Variants in CDS1 observed in about 807,000 individuals in gnomAD.
CDS1 encodes the protein CDP-diacylglycerol synthase 1.
CDS1 carries 41 observed loss-of-function variants against 62.1 expected under a neutral mutation model. The observed-to-expected ratio is 0.66, with a 90% CI of 0.51 to 0.86. CDS1 has a LOEUF of 0.86. CDS1 is among the 40% of genes least tolerant of loss of function. The probability of loss-of-function intolerance (pLI) is 0.00; values close to 1 mark genes in which losing one functional copy is unlikely to be tolerated. For missense variants in CDS1, 470 were observed against 550.1 expected (o/e 0.85, Z 1.46); for synonymous variants, 185 against 192.6 (o/e 0.96, Z 0.32).
chr4:84,635,324 T>C lies in CDS1; in HGVS notation c.783T>C (p.Phe261=), dbSNP rs935808202. Reference sequence around the variant, plus strand: ...ACATAACTGCTTACCTTTTTGGATTTTTTTTTGGGAGAACTCCATTAATTA... The same window carrying C: ...ACATAACTGCTTACCTTTTTGGATTCTTTTTTGGGAGAACTCCATTAATTA... ...CNDITAYLFG[F]FFGRTPLIKL... The change falls in exon 8 of 13, where the codon TTT becomes TTC. Residue 261 remains phenylalanine, a synonymous_variant. Coordinates refer to ENST00000295887, the MANE Select transcript of CDS1 (RefSeq NM_001263.4). The C allele has an allele frequency of 6.3e-6, 10 of 1,574,940 alleles. No homozygotes were observed. Among genetic ancestry groups the C allele is most frequent in the African/African-American group, 1.4e-5 (1 of 73,760 alleles).
chr4:84,596,207 G>A (rs537025879), intron 1 of CDS1, among the ~76,000 whole-genome samples: 6 of 152,306 alleles, frequency 3.9e-5, no homozygotes, highest in Non-Finnish European at 7.3e-5. Flanking sequence ...GGCATGCGAA[G>A]AGTTGCACAA....
intron 11 of CDS1, among the ~76,000 whole-genome samples, 158 bp from the exon 12 acceptor site, chr4:84,645,064 C>T (rs1693352642): frequency 6.6e-6 from 1 of 152,130 alleles, no homozygotes; most frequent in Admixed American, 6.6e-5. Flanking sequence ...TGGTTTTAAT[C>T]TGCTGGATGT....
chr4:84,648,542 G>A lies in CDS1; in HGVS notation c.1257-15G>A. The A allele has an allele frequency of 1.2e-6, 2 of 1,609,594 alleles. No homozygotes were observed. Among genetic ancestry groups the A allele is most frequent in the Non-Finnish European group, 1.7e-6 (2 of 1,178,400 alleles). Reference sequence around the variant, plus strand: ...AAAATAACACGAACTTGTCTTCTTTGCCTTTTATCATTAGGGGCCCAAATC... The same window carrying A: ...AAAATAACACGAACTTGTCTTCTTTACCTTTTATCATTAGGGGCCCAAATC... On this transcript the variant is annotated splice_polypyrimidine_tract_variant and intron_variant, in intron 12 of 12. Transcript: ENST00000295887.
At chr4:84,604,618 G>A (rs1723036155) in intron 2 of CDS1, among the ~76,000 whole-genome samples, 1 of 152,188 alleles carries the variant, frequency 6.6e-6, no homozygotes, top group African/African-American at 2.4e-5. Flanking sequence ...GTAAGATATA[G>A]ACCTGGGATT....
At chr4:84,605,632 A>G (rs996648544) in intron 2 of CDS1, among the ~76,000 whole-genome samples, 11 of 152,178 alleles carry the variant, frequency 7.2e-5, no homozygotes, top group African/African-American at 1.2e-4. Flanking sequence ...AATCTCATCA[A>G]GTCTATCTCA....
chr4:84,612,852 A>G (rs924547159), intron 3 of CDS1, among the ~76,000 whole-genome samples: 1 of 151,812 alleles, frequency 6.6e-6, no homozygotes, highest in Non-Finnish European at 1.5e-5. Flanking sequence ...GCCGGGTGGT[A>G]GAGGCGTGTG....
chr4:84,632,137 T>G (rs1320478677), intron 6 of CDS1, among the ~76,000 whole-genome samples: 1 of 152,220 alleles, frequency 6.6e-6, no homozygotes, highest in Non-Finnish European at 1.5e-5. Flanking sequence ...TTAAAGTTTT[T>G]GGGTTCCTTA....
intron 1 of CDS1, among the ~76,000 whole-genome samples, chr4:84,603,619 C>T (rs1723002552): frequency 6.6e-6 from 1 of 152,210 alleles, no homozygotes; most frequent in South Asian, 2.1e-4. Flanking sequence ...CCATCTCCAA[C>T]ATACTCACGC....
At chr4:84,617,190 A>G (rs1265471179) in intron 3 of CDS1, among the ~76,000 whole-genome samples, 3 of 152,242 alleles carry the variant, frequency 2.0e-5, no homozygotes, top group Non-Finnish European at 4.4e-5. Context: ...CTCAAGAAAC[A>G]TAATGGACAG....
chr4:84,620,566 T>G, intron 5 of CDS1, among the ~76,000 whole-genome samples: 1 of 152,038 alleles, frequency 6.6e-6, no homozygotes, highest in East Asian at 1.9e-4. Context: ...CAACTGTTTA[T>G]AGTATGCTAT....
intron 10 of CDS1, among the ~76,000 whole-genome samples, chr4:84,642,326 C>CAAAA (rs1268824695): frequency 1.1e-5 from 1 of 88,490 alleles, no homozygotes; most frequent in African/African-American, 4.3e-5. Flanking sequence ...AACTCTGCCT[C>CAAAA]AAAAAAAAAA....
chr4:84,637,319 G>A (rs1222190849), intron 8 of CDS1, among the ~76,000 whole-genome samples: 1 of 152,158 alleles, frequency 6.6e-6, no homozygotes, highest in Non-Finnish European at 1.5e-5. Context: ...CTGCTATAAA[G>A]AAATGCCAGA....
rs1377551870 is a variant in CDS1, at chr4:84,649,257, T to C, written c.*571T>C. The stretch of plus-strand genomic sequence containing the variant: ...TTGCCAGGGGAAAACATTCTGCTTT[T>C]AGGTAGTTTCAAAATTCAGGGGAGG... On this transcript the variant is annotated 3_prime_UTR_variant, in exon 13 of 13. Transcript: ENST00000295887. 6.6e-6 allele frequency: 1 copy of C among 152,160 alleles called. No individual in the cohort carries two copies. The highest frequency in any genetic ancestry group is 1.5e-5 in the Non-Finnish European group (1 of 68,036). 9.4% of individuals were successfully genotyped at this position (152,160 alleles called of 1,614,324 possible).
chr4:84,620,899 A>G (rs190773957), intron 5 of CDS1, among the ~76,000 whole-genome samples: 64 of 152,204 alleles, frequency 4.2e-4, no homozygotes, highest in Non-Finnish European at 6.3e-4. Flanking sequence ...CGTCTCTACT[A>G]AAAATACAGA....
intron 1 of CDS1, among the ~76,000 whole-genome samples, chr4:84,589,024 A>G (rs1043973819): frequency 6.6e-6 from 1 of 152,206 alleles, no homozygotes; most frequent in African/African-American, 2.4e-5. Context: ...GGGCAGCTTG[A>G]AGGTTAAAGG....
chr4:84,629,594 C>G (rs902476294), intron 5 of CDS1, among the ~76,000 whole-genome samples: 6 of 152,078 alleles, frequency 3.9e-5, no homozygotes, highest in African/African-American at 1.4e-4. Flanking sequence ...GGATTTTTGT[C>G]CTTTGGGGAT....
chr4:84,584,369 G>A (rs1722352503), intron 1 of CDS1, among the ~76,000 whole-genome samples: 1 of 152,172 alleles, frequency 6.6e-6, no homozygotes, highest in Non-Finnish European at 1.5e-5. Flanking sequence ...ATAGATTGTT[G>A]TATCAAACCG....
chr4:84,600,694 A>G (rs995906582), intron 1 of CDS1, among the ~76,000 whole-genome samples: 1 of 152,236 alleles, frequency 6.6e-6, no homozygotes, highest in Admixed American at 6.5e-5. Flanking sequence ...TAGCTTTATA[A>G]GAACTCTTGA....
chr4:84,588,477 C>T (rs968764741), intron 1 of CDS1, among the ~76,000 whole-genome samples: 2 of 152,150 alleles, frequency 1.3e-5, no homozygotes, highest in African/African-American at 4.8e-5. Context: ...GAGTTTAATG[C>T]ACACAGAGCC....
Sources: gnomAD v4.1 joint callset for allele counts (sites outside exome capture counted in the v4.1 genomes callset) on GRCh38, gnomAD v4.1.1 for gene constraint, MANE v1.5 for transcripts, NCBI Gene and HGNC (gene_info 2026-07-23, HGNC 2026-07-21) for gene names.